TRAF2: variants seen among roughly 807,000 people sequenced by gnomAD.
The protein encoded by TRAF2 is TNF receptor-associated factor 2.
A neutral mutation model predicts 55.6 loss-of-function variants in TRAF2; 6 were observed. The observed-to-expected ratio is 0.11, with a 90% CI of 0.06 to 0.21. The LOEUF is 0.21. TRAF2 is among the 10% of genes least tolerant of loss of function. TRAF2 has a pLI of 1.00. For missense variants in TRAF2, 561 were observed against 684.5 expected (o/e 0.82, Z 2.01); for synonymous variants, 329 against 276.3 (o/e 1.19, Z -1.89).
At chr9:136,917,206 T>G (rs986166926) in intron 7 of TRAF2, among the ~76,000 whole-genome samples, 2 of 152,214 alleles carry the variant, frequency 1.3e-5, no homozygotes, top group African/African-American at 4.8e-5. Flanking sequence ...TCTGGCCTGT[T>G]CACAGATGGA....
At chr9:136,893,321 G>A (rs1381670682) in intron 1 of TRAF2, among the ~76,000 whole-genome samples, 3 of 152,200 alleles carry the variant, frequency 2.0e-5, no homozygotes, top group Non-Finnish European at 1.5e-5. Context: ...AGTGCCACAC[G>A]AATGTAAGGT....
In TRAF2 at chr9:136,911,846, C is replaced by CTT. The variant is rs71492143; in HGVS notation, c.603+1872_603+1873dup. On this transcript the variant is annotated intron_variant, in intron 6 of 10. Transcript: ENST00000247668. Reference sequence around the variant, plus strand: ...GCGTGCTTGGGATTTTCTCTTATCTCTTTTTTTTTTTTTTTTTTTTTGAGA... The same window carrying CTT: ...GCGTGCTTGGGATTTTCTCTTATCTCTTTTTTTTTTTTTTTTTTTTTTTGAGA... 7.6e-4 allele frequency among the ~76,000 whole-genome samples: 54 copies of CTT among 71,446 alleles called. 3 individuals are homozygous for CTT. The highest frequency in any genetic ancestry group is 2.0e-3 in the Admixed American group (11 of 5,560). The allele number at this position is 71,446 out of a possible 152,430, so 46.9% of individuals were successfully genotyped here.
Position 136,923,971 on chromosome 9 carries a change from G to A in TRAF2, c.1258G>A (p.Ala420Thr), listed in dbSNP as rs201675834. ...TGTGGTGATGAAGGGCCCGAATGAC[G>A]CCCTGCTGCGGTGGCCCTTCAACCA... ...FFVVMKGPNDALLRWPFNQKV... is the reference protein window; with the variant it reads ...FFVVMKGPNDTLLRWPFNQKV... Residue 420 changes from alanine to threonine, a missense_variant, in exon 10 of 11, where the codon GCC (alanine) becomes ACC (threonine). Ala to Thr is a moderately conservative substitution (Grantham distance 58). This residue lies in a region of TRAF2 where 135 missense variants were observed against 207.7 expected (regional missense o/e 0.65). Transcript: ENST00000247668. 96 of 1,613,564 alleles carry A rather than the reference G, an allele frequency of 5.9e-5. No individual in the cohort carries two copies. The highest frequency in any genetic ancestry group is 4.5e-4 in the Admixed American group (27 of 60,006).
chr9:136,909,037 CAAAAA>C (rs10597975), intron 5 of TRAF2, among the ~76,000 whole-genome samples: 29 of 147,292 alleles, frequency 2.0e-4, no homozygotes, highest in Middle Eastern at 3.5e-3. Flanking sequence ...GACTCTGTCT[CAAAAA>C]AAAAAAAAAG....
Position 136,925,862 on chromosome 9 carries a change from C to T in TRAF2, c.1467C>T (p.Ala489=), listed in dbSNP as rs1291250364. Residue 489 remains alanine (A), a synonymous_variant, in exon 11 of 11, where the codon GCC becomes GCT. Coordinates refer to ENST00000247668, the MANE Select transcript of TRAF2 (RefSeq NM_021138.4). ...AGAATTCCTACGTGCGGGACGATGC[C>T]ATCTTCATCAAGGCCATTGTGGACC... is the stretch of plus-strand genomic sequence containing the variant. The part of the protein sequence containing the change: ...EAKNSYVRDD[A]IFIKAIVDLT... The T allele has an allele frequency of 1.9e-6, 3 of 1,614,258 alleles. No homozygotes were observed. Among genetic ancestry groups the T allele is most frequent in the East Asian group, 4.5e-5 (2 of 44,890 alleles).
chr9:136,912,852 GC>G (rs1240111624), intron 6 of TRAF2, among the ~76,000 whole-genome samples: 1 of 151,956 alleles, frequency 6.6e-6, no homozygotes, highest in Non-Finnish European at 1.5e-5. Flanking sequence ...ACAAGTCAAG[GC>G]CAGTTGTGGT....
chr9:136,907,505 C>T lies in TRAF2; in HGVS notation c.367-565C>T, dbSNP rs886696936. On this transcript the variant is annotated intron_variant, in intron 4 of 10. Transcript: ENST00000247668. ...TGCAGCTAGACCCAGCTCCTGGCACCTTGGCCTGGTGGGCTTGTGCCTCAG... is the reference window on the plus strand; with the variant it reads ...TGCAGCTAGACCCAGCTCCTGGCACTTTGGCCTGGTGGGCTTGTGCCTCAG... 3.3e-5 allele frequency among the ~76,000 whole-genome samples: 5 copies of T among 152,262 alleles called. No individual in the cohort carries two copies. The East Asian group carries it at 5.8e-4, about 18-fold the overall frequency.
chr9:136,920,929 C>G (rs1850369099), intron 8 of TRAF2, 109 bp from the exon 9 acceptor site: 1 of 1,347,760 alleles, frequency 7.4e-7, no homozygotes, highest in Admixed American at 2.1e-5. Context: ...AACATGGAGC[C>G]CAGGGGTGCC....
chr9:136,911,246 C>T (rs533201574), intron 6 of TRAF2, among the ~76,000 whole-genome samples: 18 of 148,588 alleles, frequency 1.2e-4, no homozygotes, highest in Non-Finnish European at 2.5e-4. Context: ...GTGCATGGTG[C>T]ATTTTCATCC....
intron 6 of TRAF2, 140 bp from the exon 7 acceptor site, chr9:136,916,401 T>G: frequency 1.3e-6 from 1 of 767,152 alleles, no homozygotes; most frequent in Non-Finnish European, 2.3e-6. Context: ...AAATGGGCTG[T>G]TGGGTTTCAT....
chr9:136,908,852 A>G (rs562249933), intron 5 of TRAF2, among the ~76,000 whole-genome samples: 178 of 137,986 alleles, frequency 1.3e-3, no homozygotes, highest in Non-Finnish European at 2.1e-3. Context: ...CCCAGGCGAC[A>G]GAGCGAGATT....
rs572545667 is a variant in TRAF2 at position 136,902,969 on chromosome 9, A to C, written c.366+2449A>C. ...TTCTAGGAACTGAATGATTTTATTT[A>C]TTTATTTTTATTTTTTTGAGACGGT... On this transcript the variant is annotated intron_variant, in intron 4 of 10. Transcript: ENST00000247668. Among the ~76,000 whole-genome samples, 3 of 102,532 alleles carry C rather than the reference A, an allele frequency of 2.9e-5. No individual in the cohort carries two copies. In the East Asian group the frequency reaches 9.4e-4, roughly 32 times the overall value. The allele number at this position is 102,532 out of a possible 152,430, so 67.3% of individuals were successfully genotyped here. A position where few individuals can be genotyped will look rare whatever the true frequency, so the allele number is the denominator to read the frequency against.
At chr9:136,908,004 GGTGAAGCTGT>G in intron 4 of TRAF2, 56 bp from the exon 5 acceptor site, 1 of 1,545,314 alleles carries the variant, frequency 6.5e-7, no homozygotes, top group Non-Finnish European at 8.7e-7. Flanking sequence ...TGTGTCCCCG[GGTGAAGCTGT>G]GGCTGCCCAA....
rs145627679 is a variant in TRAF2 at position 136,918,450 on chromosome 9, C to T, written c.679-1784C>T. 4.3e-3 allele frequency among the ~76,000 whole-genome samples: 644 copies of T among 151,214 alleles called. 3 individuals are homozygous for T. Among genetic ancestry groups the T allele is most frequent in the African/African-American group, 0.015 (614 of 41,184 alleles). On this transcript the variant is annotated intron_variant, in intron 7 of 10. Transcript: ENST00000247668. ...GATCACAGCTGTGTGCCACCACACCCGGCTAATTTTTGTATTTTTAGTAGA... is the reference window on the plus strand; with the variant it reads ...GATCACAGCTGTGTGCCACCACACCTGGCTAATTTTTGTATTTTTAGTAGA...
At chr9:136,919,688 T>TTCGTCCCG (rs1394350344) in intron 7 of TRAF2, among the ~76,000 whole-genome samples, 10 of 149,342 alleles carry the variant, frequency 6.7e-5, no homozygotes, top group Admixed American at 2.0e-4. Flanking sequence ...CCTTCTTCCC[T>TTCGTCCCG]TCATCCCTTC....
intron 4 of TRAF2, among the ~76,000 whole-genome samples, chr9:136,903,687 TTTG>T (rs1236092110): frequency 1.3e-3 from 201 of 152,032 alleles, no homozygotes; most frequent in African/African-American, 4.3e-3. Flanking sequence ...TGTTTGTTTG[TTTG>T]TTGTTTTTTG....
intron 1 of TRAF2, among the ~76,000 whole-genome samples, chr9:136,896,554 TCTTCA>T (rs1262917144): frequency 1.3e-5 from 2 of 152,226 alleles, no homozygotes; most frequent in Admixed American, 6.5e-5. Context: ...GTGTGAACAA[TCTTCA>T]CTTCAGCTAG....
At chr9:136,897,389 A>G (rs1849703843) in intron 1 of TRAF2, among the ~76,000 whole-genome samples, 1 of 152,344 alleles carries the variant, frequency 6.6e-6, no homozygotes, top group South Asian at 2.1e-4. Flanking sequence ...GTGGACAGCA[A>G]GGTGCCAGGG....
chr9:136,924,254 T>C (rs1202641810), intron 10 of TRAF2, among the ~76,000 whole-genome samples: 2 of 152,030 alleles, frequency 1.3e-5, no homozygotes, highest in East Asian at 3.9e-4. Flanking sequence ...AATATAAATA[T>C]GACTAAGAAA....
Sources: gnomAD v4.1 joint callset for allele counts (sites outside exome capture counted in the v4.1 genomes callset) on GRCh38, gnomAD v4.1.1 for gene constraint, gnomAD v4.1.1 regional missense constraint, MANE v1.5 for transcripts, NCBI Gene and HGNC (gene_info 2026-07-23, HGNC 2026-07-21) for gene names.